MAN2A1: variants seen among roughly 807,000 people sequenced by gnomAD.
The protein encoded by MAN2A1 is alpha-mannosidase 2.
MAN2A1 carries 76 observed loss-of-function variants against 142.6 expected under a neutral mutation model. The observed-to-expected ratio is 0.53, with a 90% CI of 0.44 to 0.65. The LOEUF (loss-of-function observed/expected upper bound fraction) is 0.65. MAN2A1 is among the 30% of genes least tolerant of loss of function. The probability of loss-of-function intolerance (pLI) is 0.00; values close to 1 mark genes in which losing one functional copy is unlikely to be tolerated. For synonymous variants in MAN2A1, 559 were observed against 473.2 expected, an observed-to-expected ratio of 1.18 and a Z score of -2.35; for missense variants, 1,311 against 1,365.1, an observed-to-expected ratio of 0.96 and a Z score of 0.62.
chr5:109,847,785 A>T lies in MAN2A1; in HGVS notation c.2971A>T (p.Asn991Tyr), dbSNP rs1027745257. The change falls in exon 19 of 22, where the codon AAT becomes TAT. Residue 991 changes from asparagine to tyrosine, a missense_variant. Transcript: ENST00000261483. The stretch of plus-strand genomic sequence containing the variant: ...ACTACTAGAAAAAAGAAGTGCTGTT[A>T]ATACGGTATGAAAAAATAACTAGCA... ...RILLEKRSAV[N>Y]TEEEKKSVSY... The T allele has an allele frequency of 6.5e-7, 1 of 1,550,040 alleles. No homozygotes were observed. The highest frequency in any genetic ancestry group is 1.4e-5 in the African/African-American group (1 of 72,228).
chr5:109,717,999 G>C (rs907063806), intron 3 of MAN2A1, among the ~76,000 whole-genome samples: 3 of 152,146 alleles, frequency 2.0e-5, no homozygotes, highest in African/African-American at 7.2e-5. Context: ...GATCTAGATG[G>C]CTTATGGCAC....
In MAN2A1 at chr5:109,823,706, T is replaced by A; in HGVS notation, c.2452-17T>A. 1 of 1,285,504 alleles carries A rather than the reference T, an allele frequency of 7.8e-7. No homozygotes were observed. The highest frequency in any genetic ancestry group is 1.1e-6 in the Non-Finnish European group (1 of 886,282). 79.6% of individuals were successfully genotyped at this position (1,285,504 alleles called of 1,614,324 possible). A position where few individuals can be genotyped will look rare whatever the true frequency, so the allele number is the denominator to read the frequency against. On this transcript the variant is annotated splice_polypyrimidine_tract_variant and intron_variant, in intron 15 of 21. Transcript: ENST00000261483. ...GAAGCCAAAATATTTTTCTTAAATA[T>A]ATTATTTTCTTTTCAGCCTTATGTT...
intron 9 of MAN2A1, among the ~76,000 whole-genome samples, chr5:109,783,105 T>C (rs1753504703): frequency 6.6e-6 from 1 of 152,164 alleles, no homozygotes; most frequent in Non-Finnish European, 1.5e-5. Context: ...GAGATCGTTT[T>C]GGACCACTGA....
chr5:109,765,955 G>GT (rs976630780), intron 5 of MAN2A1, among the ~76,000 whole-genome samples: 114 of 151,158 alleles, frequency 7.5e-4, no homozygotes, highest in African/African-American at 2.5e-3. Context: ...TTTCTTTCAG[G>GT]TTTTTTTTTC....
intron 18 of MAN2A1, among the ~76,000 whole-genome samples, 183 bp from the exon 19 acceptor site, chr5:109,847,474 A>T (rs568336784): frequency 2.0e-5 from 3 of 152,328 alleles, no homozygotes; most frequent in African/African-American, 7.2e-5. Context: ...ATGAATTTGT[A>T]GTAGCTACTT....
Position 109,823,704 on chromosome 5 carries a change from T to C in MAN2A1, c.2452-19T>C. On this transcript the variant is annotated intron_variant, in intron 15 of 21. Coordinates refer to ENST00000261483, the MANE Select transcript of MAN2A1 (RefSeq NM_002372.4). The stretch of plus-strand genomic sequence containing the variant: ...TGGAAGCCAAAATATTTTTCTTAAA[T>C]ATATTATTTTCTTTTCAGCCTTATG... 7 of 1,256,410 alleles carry C rather than the reference T, an allele frequency of 5.6e-6. No homozygotes were observed. Among genetic ancestry groups the C allele is most frequent in the Non-Finnish European group, 8.1e-6 (7 of 860,262 alleles). 77.8% of individuals were successfully genotyped at this position (1,256,410 alleles called of 1,614,324 possible).
chr5:109,810,346 A>G (rs1426216150), intron 12 of MAN2A1, among the ~76,000 whole-genome samples: 3 of 152,182 alleles, frequency 2.0e-5, no homozygotes, highest in African/African-American at 4.8e-5. Context: ...ATCAAGGACT[A>G]TGTTAAATTG....
At chr5:109,802,763 C>T (rs773916725) in intron 12 of MAN2A1, among the ~76,000 whole-genome samples, 27 of 151,774 alleles carry the variant, frequency 1.8e-4, no homozygotes, top group Non-Finnish European at 2.2e-4. Context: ...TTTTTCTTTG[C>T]GAGAATTCAT....
intron 16 of MAN2A1, among the ~76,000 whole-genome samples, chr5:109,824,967 A>G (rs1754719089): frequency 6.6e-6 from 1 of 152,214 alleles, no homozygotes; most frequent in African/African-American, 2.4e-5. Flanking sequence ...CCCATGATTC[A>G]TAGGATGAAT....
chr5:109,754,927 G>GGAGGCAGAGGTTGCAGT (rs1554075948), intron 4 of MAN2A1, among the ~76,000 whole-genome samples: 1 of 152,190 alleles, frequency 6.6e-6, no homozygotes, highest in African/African-American at 2.4e-5. Context: ...CTTGAACCTG[G>GGAGGCAGAGGTTGCAGT]GAGGCGGAGG....
At position 109,732,208 on chromosome 5, in the gene MAN2A1, T is replaced by G. The variant is rs564198357; in HGVS notation, c.707+2695T>G. 7.0e-4 allele frequency among the ~76,000 whole-genome samples: 106 copies of G among 150,426 alleles called. 1 individual carries two copies. The highest frequency in any genetic ancestry group is 2.5e-3 in the African/African-American group (102 of 40,932). The stretch of plus-strand genomic sequence containing the variant: ...TCCTTTGCCCACTTTTTGATGGGGT[T>G]GTTTGTTTTTTTCTTGTAAATTTGT... On this transcript the variant is annotated intron_variant, in intron 4 of 21. Coordinates refer to ENST00000261483, the MANE Select transcript of MAN2A1 (RefSeq NM_002372.4).
At chr5:109,725,263 T>C (rs182147365) in intron 3 of MAN2A1, among the ~76,000 whole-genome samples, 1 of 152,324 alleles carries the variant, frequency 6.6e-6, no homozygotes, top group East Asian at 1.9e-4. Context: ...TTGCTGTTGC[T>C]CTAGTTCCCC....
Position 109,867,075 on chromosome 5 carries a change from T to C in MAN2A1, c.*77T>C, listed in dbSNP as rs1755903661. On this transcript the variant is annotated 3_prime_UTR_variant, in exon 22 of 22. Coordinates refer to ENST00000261483, the MANE Select transcript of MAN2A1 (RefSeq NM_002372.4). ...GTTTGACGTGCAATAAAGAAGCACA[T>C]TATTTTAGCTTCTGGCTACTGTGAG... is the stretch of plus-strand genomic sequence containing the variant. The C allele has an allele frequency of 8.5e-7, 1 of 1,182,954 alleles. No individual in the cohort carries two copies. The highest frequency in any genetic ancestry group is 1.2e-6 in the Non-Finnish European group (1 of 854,618). 73.3% of individuals were successfully genotyped at this position (1,182,954 alleles called of 1,614,324 possible). A position where few individuals can be genotyped will look rare whatever the true frequency, so the allele number is the denominator to read the frequency against.
chr5:109,690,095 G>A lies in MAN2A1; in HGVS notation c.-323G>A. ...AAGTGCGGGCAGCGACCTCTCCTCC[G>A]CCTGCCCCGCGCGCCCTGCCGGAGG... On this transcript the variant is annotated 5_prime_UTR_variant, in exon 1 of 22. Transcript: ENST00000261483. The A allele has an allele frequency of 3.5e-6, 1 of 284,708 alleles. No homozygotes were observed. The highest frequency in any genetic ancestry group is 4.2e-5 in the South Asian group (1 of 23,674). 17.6% of individuals were successfully genotyped at this position (284,708 alleles called of 1,614,324 possible). A position where few individuals can be genotyped will look rare whatever the true frequency, so the allele number is the denominator to read the frequency against.
chr5:109,839,669 T>TA (rs1301158248), intron 16 of MAN2A1, among the ~76,000 whole-genome samples: 3 of 148,966 alleles, frequency 2.0e-5, no homozygotes, highest in Non-Finnish European at 3.0e-5. Context: ...TTTTTTTTTT[T>TA]AAATAACATT....
intron 12 of MAN2A1, among the ~76,000 whole-genome samples, chr5:109,803,575 T>C (rs1048371316): frequency 6.6e-6 from 1 of 152,100 alleles, no homozygotes; most frequent in Admixed American, 6.5e-5. Context: ...TATATAGAAT[T>C]ATGATGAGGT....
At position 109,804,359 on chromosome 5, in the gene MAN2A1, T is replaced by A. The variant is rs534991181; in HGVS notation, c.1944-12914T>A. 13 of 837,962 alleles carry A rather than the reference T, an allele frequency of 1.6e-5. No homozygotes were observed. In the East Asian group the frequency reaches 1.1e-3, roughly 72 times the overall value. The allele number at this position is 837,962 out of a possible 1,614,324, so 51.9% of individuals were successfully genotyped here. A position where few individuals can be genotyped will look rare whatever the true frequency, so the allele number is the denominator to read the frequency against. ...AGAGTAGCGCTTTTTTTAAAATTTTTATTTTTTTTAGGCAAGACAATTGTA... is the reference window on the plus strand; with the variant it reads ...AGAGTAGCGCTTTTTTTAAAATTTTAATTTTTTTTAGGCAAGACAATTGTA... On this transcript the variant is annotated intron_variant, in intron 12 of 21. Coordinates refer to ENST00000261483, the MANE Select transcript of MAN2A1 (RefSeq NM_002372.4).
intron 12 of MAN2A1, among the ~76,000 whole-genome samples, chr5:109,797,573 G>A (rs771310117): frequency 3.9e-5 from 6 of 152,066 alleles, no homozygotes; most frequent in Non-Finnish European, 7.4e-5. Flanking sequence ...TGATCGGTAT[G>A]GAGGACAAGA....
chr5:109,864,668 C>T (rs565888574), intron 20 of MAN2A1: 2 of 170,734 alleles, frequency 1.2e-5, no homozygotes, highest in Non-Finnish European at 2.5e-5. Flanking sequence ...GCAGTTTATT[C>T]AACTGATGTG....
Sources: allele counts gnomAD v4.1 joint callset (sites outside exome capture counted in the v4.1 genomes callset), GRCh38; gene constraint gnomAD v4.1.1; transcripts MANE v1.5; gene names NCBI Gene and HGNC (gene_info 2026-07-23, HGNC 2026-07-21).